Variants in KIAA1671 observed in about 807,000 individuals in gnomAD.
The protein encoded by KIAA1671 is uncharacterized protein KIAA1671.
In KIAA1671, 52 loss-of-function variants were observed where a neutral mutation model predicts 131.2. That is an observed-to-expected ratio of 0.40 (90% CI 0.32 to 0.50). KIAA1671 has a LOEUF of 0.50. Ranked by LOEUF, KIAA1671 falls within the 20% of genes least tolerant of loss-of-function variation. The probability of loss-of-function intolerance (pLI) is 0.73; values close to 1 mark genes in which losing one functional copy is unlikely to be tolerated. For missense variants in KIAA1671, 2,360 were observed against 2,364.2 expected (o/e 1.00, Z 0.04); for synonymous variants, 1,003 against 961.6 (o/e 1.04, Z -0.80).
At chr22:25,101,779 C>T (rs1393540325) in intron 6 of KIAA1671, among the ~76,000 whole-genome samples, 4 of 152,076 alleles carry the variant, frequency 2.6e-5, no homozygotes, top group African/African-American at 7.2e-5. Flanking sequence ...ACAGTGGGTA[C>T]GATGAGAGCC....
intron 4 of KIAA1671, among the ~76,000 whole-genome samples, chr22:25,035,036 CTTTTT>C (rs143999685): frequency 3.4e-5 from 4 of 117,558 alleles, no homozygotes; most frequent in Non-Finnish European, 5.1e-5. Context: ...TGCGCCTGGC[CTTTTT>C]TTTTTTTTTT....
intron 1 of KIAA1671, among the ~76,000 whole-genome samples, chr22:25,008,195 C>T (rs986552265): frequency 3.3e-4 from 11 of 32,846 alleles, no homozygotes; most frequent in Middle Eastern, 0.013. Context: ...GAGACTCCGT[C>T]GCAAAAAAAA....
chr22:25,103,221 T>TTC (rs1226197847), intron 6 of KIAA1671, among the ~76,000 whole-genome samples: 1 of 151,342 alleles, frequency 6.6e-6, no homozygotes, highest in Non-Finnish European at 1.5e-5. Flanking sequence ...CCTTTTTTTT[T>TTC]TTTTTTGAGA....
In KIAA1671 at chr22:25,039,324, A is replaced by G; in HGVS notation, c.2194A>G (p.Arg732Gly). The G allele has an allele frequency of 4.5e-6, 7 of 1,552,078 alleles. No homozygotes were observed. Among genetic ancestry groups the G allele is most frequent in the Non-Finnish European group, 5.2e-6 (6 of 1,147,088 alleles). ...NPPTSQRIEP[R>G]YDIVHAVGER... Reference sequence around the variant, plus strand: ...TCCCACATCGCAGAGAATTGAGCCCAGATATGACATTGTGCATGCAGTGGG... The same window carrying G: ...TCCCACATCGCAGAGAATTGAGCCCGGATATGACATTGTGCATGCAGTGGG... The change falls in exon 5 of 13, where the codon AGA (arginine) becomes GGA (glycine). Residue 732 changes from arginine to glycine, a missense_variant. By Grantham distance (125) the Arg-to-Gly change is moderately radical (BLOSUM62 -2). Transcript: ENST00000358431.
chr22:25,066,304 A>G (rs1408071460), intron 6 of KIAA1671, among the ~76,000 whole-genome samples: 3 of 152,106 alleles, frequency 2.0e-5, no homozygotes, highest in Admixed American at 6.5e-5. Context: ...ACACACCACC[A>G]CACCAGGCTA....
intron 6 of KIAA1671, among the ~76,000 whole-genome samples, chr22:25,137,497 A>G (rs1932730142): frequency 6.6e-6 from 1 of 152,230 alleles, no homozygotes; most frequent in Admixed American, 6.5e-5. Flanking sequence ...GAATTACATA[A>G]TGGCCAATAA....
intron 6 of KIAA1671, among the ~76,000 whole-genome samples, chr22:25,097,567 C>T (rs1258746151): frequency 5.9e-5 from 9 of 151,908 alleles, no homozygotes; most frequent in African/African-American, 1.5e-4. Context: ...GGTGAAACCC[C>T]GTCTCTACTA....
intron 6 of KIAA1671, among the ~76,000 whole-genome samples, chr22:25,090,698 G>T (rs1393497578): frequency 1.3e-5 from 2 of 152,178 alleles, no homozygotes; most frequent in Admixed American, 1.3e-4. Context: ...TCATCTCATT[G>T]GGTACACGTA....
intron 6 of KIAA1671, among the ~76,000 whole-genome samples, chr22:25,133,345 A>C (rs562064400): frequency 1.3e-5 from 2 of 152,262 alleles, no homozygotes; most frequent in South Asian, 4.1e-4. Flanking sequence ...TGTGCCTCTA[A>C]CTGGAAGGTT....
At chr22:25,183,607 C>T (rs1409950351) in intron 10 of KIAA1671, among the ~76,000 whole-genome samples, 1 of 151,784 alleles carries the variant, frequency 6.6e-6, no homozygotes, top group Non-Finnish European at 1.5e-5. Flanking sequence ...ACTGCAAGCT[C>T]CGCCTCCCGG....
At chr22:25,065,765 G>A (rs896270054) in intron 6 of KIAA1671, among the ~76,000 whole-genome samples, 3 of 151,526 alleles carry the variant, frequency 2.0e-5, no homozygotes, top group Non-Finnish European at 2.9e-5. Context: ...TCAGCCTCCC[G>A]AGTAGGTGGG....
At chr22:25,008,951 G>A (rs997136192) in intron 1 of KIAA1671, among the ~76,000 whole-genome samples, 1 of 152,254 alleles carries the variant, frequency 6.6e-6, no homozygotes, top group African/African-American at 2.4e-5. Flanking sequence ...CGACTTAGGT[G>A]TGGGAGGAGG....
chr22:25,114,998 G>A (rs1209872498), intron 6 of KIAA1671, among the ~76,000 whole-genome samples: 2 of 152,136 alleles, frequency 1.3e-5, no homozygotes, highest in Non-Finnish European at 2.9e-5. Flanking sequence ...AATCTATTGC[G>A]GGCACAAAAT....
intron 1 of KIAA1671, among the ~76,000 whole-genome samples, chr22:24,979,987 A>T: frequency 6.9e-6 from 1 of 145,846 alleles, no homozygotes. Context: ...TTTTCTTGAG[A>T]CTGTGTCTTG....
chr22:25,186,060 A>G (rs1023544727), intron 11 of KIAA1671: 1 of 152,258 alleles, frequency 6.6e-6, no homozygotes, highest in Admixed American at 6.5e-5. Context: ...CAGTTTTTGT[A>G]AGTAAGCTTT....
chr22:25,190,641 C>T, intron 11 of KIAA1671, 61 bp from the exon 12 acceptor site: 1 of 1,412,208 alleles, frequency 7.1e-7, no homozygotes, highest in East Asian at 2.5e-5. Flanking sequence ...CCACTCAGTC[C>T]TGCCCGCAAG....
intron 6 of KIAA1671, among the ~76,000 whole-genome samples, chr22:25,154,908 C>A (rs9624736): frequency 6.6e-6 from 1 of 152,114 alleles, no homozygotes; most frequent in Non-Finnish European, 1.5e-5. Flanking sequence ...TTAATAGATA[C>A]GATGCTTAAC....
At chr22:25,149,810 C>G (rs780969326) in intron 6 of KIAA1671, among the ~76,000 whole-genome samples, 1 of 151,754 alleles carries the variant, frequency 6.6e-6, no homozygotes, top group African/African-American at 2.4e-5. Flanking sequence ...TTATATAAGT[C>G]GCACATGGTC....
At chr22:25,071,000 A>T (rs573877402) in intron 6 of KIAA1671, among the ~76,000 whole-genome samples, 1 of 152,250 alleles carries the variant, frequency 6.6e-6, no homozygotes, top group South Asian at 2.1e-4. Context: ...GTGCTTTGTG[A>T]GGTATAAAAT....
Sources: gnomAD v4.1 joint callset for allele counts (sites outside exome capture counted in the v4.1 genomes callset) on GRCh38, gnomAD v4.1.1 for gene constraint, MANE v1.5 for transcripts, NCBI Gene and HGNC (gene_info 2026-07-23, HGNC 2026-07-21) for gene names.